Variants in NME8 observed in about 807,000 individuals in gnomAD.
The protein encoded by NME8 is protein NME8.
In NME8, 72 loss-of-function variants were observed where a neutral mutation model predicts 82.3. The ratio of observed to expected loss-of-function variants is 0.87; its 90% CI spans 0.72 to 1.06. NME8 has a LOEUF of 1.06. Ranked by LOEUF, NME8 falls within the 50% of genes least tolerant of loss-of-function variation. The probability of loss-of-function intolerance (pLI) is 0.00; values close to 1 mark genes in which losing one functional copy is unlikely to be tolerated. For synonymous variants in NME8, 267 were observed against 228.5 expected, an observed-to-expected ratio of 1.17 and a Z score of -1.52; for missense variants, 712 against 685.4, an observed-to-expected ratio of 1.04 and a Z score of -0.43.
chr7:37,849,868 T>TAAAAAAAAAAAA (rs1562826444), intron 2 of NME8, among the ~76,000 whole-genome samples: 1 of 111,584 alleles, frequency 9.0e-6, no homozygotes, highest in Non-Finnish European at 1.7e-5. Flanking sequence ...AGACTATGTC[T>TAAAAAAAAAAAA]CAAAAAAAAA....
At chr7:37,856,268 G>T (rs1784509839) in intron 5 of NME8, among the ~76,000 whole-genome samples, 1 of 152,180 alleles carries the variant, frequency 6.6e-6, no homozygotes, top group South Asian at 2.1e-4. Flanking sequence ...CTCCAATGTG[G>T]TGATATTTGG....
At chr7:37,887,370 C>G (rs954216657) in intron 14 of NME8, among the ~76,000 whole-genome samples, 1 of 152,024 alleles carries the variant, frequency 6.6e-6, no homozygotes, top group Non-Finnish European at 1.5e-5. Flanking sequence ...TATCTTTGGT[C>G]TAGAGTCAAA....
chr7:37,877,447 C>G (rs917790788), intron 12 of NME8, among the ~76,000 whole-genome samples: 2 of 152,122 alleles, frequency 1.3e-5, no homozygotes, highest in South Asian at 4.2e-4. Flanking sequence ...TTAATCTCAT[C>G]CCATATTCTT....
chr7:37,890,598 GTGAGCACCATTC>G (rs1785115492), intron 15 of NME8, among the ~76,000 whole-genome samples: 1 of 151,792 alleles, frequency 6.6e-6, no homozygotes, highest in South Asian at 2.1e-4. Flanking sequence ...CCCACCTCTA[GTGAGCACCATTC>G]TGCTCTCTAC....
chr7:37,873,982 G>C (rs1457331883), intron 11 of NME8, among the ~76,000 whole-genome samples: 1 of 152,078 alleles, frequency 6.6e-6, no homozygotes, highest in Non-Finnish European at 1.5e-5. Flanking sequence ...ACTGCCATAG[G>C]GCTCATTTTA....
intron 12 of NME8, 37 bp from the exon 13 acceptor site, chr7:37,884,266 C>G: frequency 7.4e-7 from 1 of 1,357,650 alleles, no homozygotes; most frequent in Non-Finnish European, 1.1e-6. Context: ...CAGTAATCTA[C>G]CAGTTTAAAA....
Position 37,850,262 on chromosome 7 carries a change from G to A in NME8, c.-5G>A. 6.2e-7 allele frequency: 1 copy of A among 1,613,720 alleles called. No homozygotes were observed. The highest frequency in any genetic ancestry group is 8.5e-7 in the Non-Finnish European group (1 of 1,179,714). On this transcript the variant is annotated splice_region_variant and 5_prime_UTR_variant, in exon 3 of 18. Coordinates refer to ENST00000199447, the MANE Select transcript of NME8 (RefSeq NM_016616.5). ...TTTCTTTCTTTTTCCTATGATAGTA[G>A]ATAAATGGCAAGCAAAAAACGAGAA...
chr7:37,876,805 CTT>C, intron 11 of NME8, 25 bp from the exon 12 acceptor site: 1 of 1,535,138 alleles, frequency 6.5e-7, no homozygotes, highest in Non-Finnish European at 9.0e-7. Context: ...TTATAATAAT[CTT>C]AAATTATATT....
intron 15 of NME8, among the ~76,000 whole-genome samples, chr7:37,891,901 A>G (rs1785135024): frequency 6.6e-6 from 1 of 152,072 alleles, no homozygotes; most frequent in Middle Eastern, 3.4e-3. Context: ...ACAGTTAGGT[A>G]CTTAATCTAC....
Position 37,884,402 on chromosome 7 carries a change from A to T in NME8, c.1094A>T (p.Tyr365Phe). 1 of 1,611,276 alleles carries T rather than the reference A, an allele frequency of 6.2e-7. No individual in the cohort carries two copies. The highest frequency in any genetic ancestry group is 1.1e-5 in the South Asian group (1 of 91,016). ...EKEAQALCKE[Y>F]ENEDYFNKLI... ...GAAGCACAAGCACTGTGCAAGGAAT[A>T]TGAAAATGAAGACTATTTTAATAAA... The change falls in exon 13 of 18, where the codon TAT (tyrosine) becomes TTT (phenylalanine). Residue 365 changes from tyrosine to phenylalanine, a missense_variant. Transcript: ENST00000199447.
Position 37,850,395 on chromosome 7 carries a change from A to G in NME8, c.51A>G (p.Gln17=), listed in dbSNP as rs764519450. 8.1e-6 allele frequency: 13 copies of G among 1,614,152 alleles called. No homozygotes were observed. ...CTTTGCAGACAGTCATCAATAATCA[A>G]AGCCTGTGGGATGAGATGTTGCAGA... ...EVQLQTVINN[Q]SLWDEMLQNK... The change falls in exon 4 of 18, where the codon CAA becomes CAG. Residue 17 remains glutamine, a synonymous_variant. Transcript: ENST00000199447.
At chr7:37,857,852 T>C (rs965809675) in intron 6 of NME8, among the ~76,000 whole-genome samples, 19 of 152,180 alleles carry the variant, frequency 1.2e-4, no homozygotes, top group Non-Finnish European at 4.4e-5. Flanking sequence ...GTTTTATTAT[T>C]CATACTATTC....
At chr7:37,871,195 C>G (rs1784762200) in intron 11 of NME8, among the ~76,000 whole-genome samples, 1 of 152,100 alleles carries the variant, frequency 6.6e-6, no homozygotes, top group Non-Finnish European at 1.5e-5. Context: ...GCTGGTTATT[C>G]CTGTGGAGAC....
chr7:37,880,531 C>A (rs891289668), intron 12 of NME8, among the ~76,000 whole-genome samples: 1 of 152,140 alleles, frequency 6.6e-6, no homozygotes, highest in African/African-American at 2.4e-5. Context: ...TTTTTCTGGG[C>A]TCTCTGCTCT....
intron 11 of NME8, among the ~76,000 whole-genome samples, chr7:37,869,454 C>G (rs972632503): frequency 1.3e-5 from 2 of 152,108 alleles, no homozygotes; most frequent in Non-Finnish European, 2.9e-5. Context: ...ATTAATGTGA[C>G]GAGTGAAGTC....
At chr7:37,888,605 T>C (rs1208196007) in intron 15 of NME8, among the ~76,000 whole-genome samples, 177 bp downstream of exon 15, 1 of 152,144 alleles carries the variant, frequency 6.6e-6, no homozygotes, top group Non-Finnish European at 1.5e-5. Flanking sequence ...TACTTTGTCT[T>C]GCTATCTCTC....
Position 37,884,448 on chromosome 7 carries a change from G to A in NME8, c.1139+1G>A. On this transcript the variant is annotated splice_donor_variant, in intron 13 of 17. Coordinates refer to ENST00000199447, the MANE Select transcript of NME8 (RefSeq NM_016616.5). LOFTEE classifies it high-confidence loss of function. Reference sequence around the variant, plus strand: ...ATAAACTTATAGAAAACATGACCAGGTAGAATCCAGGTTGAGAAAATTCAG... The same window carrying A: ...ATAAACTTATAGAAAACATGACCAGATAGAATCCAGGTTGAGAAAATTCAG... 1.9e-6 allele frequency: 3 copies of A among 1,609,014 alleles called. No individual in the cohort carries two copies. The highest frequency in any genetic ancestry group is 1.7e-6 in the Non-Finnish European group (2 of 1,175,918).
At chr7:37,856,549 C>T (rs76058113) in intron 5 of NME8, among the ~76,000 whole-genome samples, 1,571 of 152,260 alleles carry the variant, frequency 0.01, 15 homozygotes, top group Non-Finnish European at 0.017. Context: ...CCCTACCAAA[C>T]GATCTCATTC....
intron 13 of NME8, 100 bp from the exon 14 acceptor site, chr7:37,885,045 G>T: frequency 1.3e-6 from 1 of 758,400 alleles, no homozygotes; most frequent in Non-Finnish European, 2.3e-6. Flanking sequence ...CATGTTACAT[G>T]TTTTTGATCT....
Sources: gnomAD v4.1 joint callset for allele counts (sites outside exome capture counted in the v4.1 genomes callset) on GRCh38, gnomAD v4.1.1 for gene constraint, MANE v1.5 for transcripts, NCBI Gene and HGNC (gene_info 2026-07-23, HGNC 2026-07-21) for gene names.